SLC6A19: variants seen among roughly 807,000 people sequenced by gnomAD.
SLC6A19 encodes sodium-dependent neutral amino acid transporter B(0)AT1.
Under a neutral mutation model 68.3 loss-of-function variants are expected in SLC6A19, and 67 were observed. The ratio of observed to expected loss-of-function variants is 0.98; its 90% confidence interval spans 0.81 to 1.20. The LOEUF (loss-of-function observed/expected upper bound fraction) is 1.20, where lower values mean the gene tolerates loss of function less well. SLC6A19 is among the 50% of genes most tolerant of loss of function. The pLI is 0.00. For synonymous variants in SLC6A19, 392 were observed against 374.9 expected (o/e 1.05, Z -0.53); for missense variants, 813 against 851.6 (o/e 0.95, Z 0.56).
Position 1,204,129 on chromosome 5 carries a change from C to T in SLC6A19, c.202+2277C>T, listed in dbSNP as rs902194729. 1.5e-4 allele frequency among the ~76,000 whole-genome samples: 23 copies of T among 152,220 alleles called. 1 individual carries two copies. Among genetic ancestry groups the T allele is most frequent in the Admixed American group, 5.2e-4 (8 of 15,282 alleles). The stretch of plus-strand genomic sequence containing the variant: ...TTGATGCGGGTCATCGAGACCAAAT[C>T]GAGGGGAAGCAGGCAGCCAGGTCCT... On this transcript the variant is annotated intron_variant, in intron 1 of 11. Coordinates refer to ENST00000304460, the MANE Select transcript of SLC6A19 (RefSeq NM_001003841.3).
At position 1,201,650 on chromosome 5, in the gene SLC6A19, C is replaced by T; in HGVS notation, c.-1C>T. Reference sequence around the variant, plus strand: ...GTGTGCGGAGCCGTCCAGCGACCACCATGGTGAGGCTCGTGCTGCCCAACC... The same window carrying T: ...GTGTGCGGAGCCGTCCAGCGACCACTATGGTGAGGCTCGTGCTGCCCAACC... On this transcript the variant is annotated 5_prime_UTR_variant, in exon 1 of 12. Transcript: ENST00000304460. The T allele has an allele frequency of 1.9e-6, 3 of 1,605,982 alleles. No homozygotes were observed. The highest frequency in any genetic ancestry group is 2.2e-5 in the South Asian group (2 of 90,686).
intron 3 of SLC6A19, among the ~76,000 whole-genome samples, chr5:1,211,264 C>G (rs1309868429): frequency 6.6e-6 from 1 of 152,230 alleles, no homozygotes; most frequent in East Asian, 1.9e-4. Flanking sequence ...CTCGCTGGGA[C>G]TGTCGGGGCC....
rs753136750 is a variant in SLC6A19, at chr5:1,212,215, T to C, written c.482-88T>C. 80 of 1,547,732 alleles carry C rather than the reference T, an allele frequency of 5.2e-5. No homozygotes were observed. The highest frequency in any genetic ancestry group is 6.4e-5 in the Non-Finnish European group (73 of 1,132,694). ...CACTGGTGTCAAGGCCTCTGGAACG[T>C]GGCTGGCATTTCTTCCAGCTCAGGG... On this transcript the variant is annotated intron_variant, in intron 3 of 11. Transcript: ENST00000304460. This position sits in a 1 kb window ranked among gnomAD's most constrained non-coding sequence, Gnocchi z 5.1.
intron 8 of SLC6A19, among the ~76,000 whole-genome samples, chr5:1,217,328 A>C (rs1746238122): frequency 6.6e-6 from 1 of 152,238 alleles, no homozygotes; most frequent in African/African-American, 2.4e-5. Context: ...CTGTGAGGCC[A>C]CCAGGACAGG....
rs551417226 is a variant in SLC6A19 at position 1,215,153 on chromosome 5, G to A, written c.887+1088G>A. Among the ~76,000 whole-genome samples, 1 of 151,942 alleles carries A rather than the reference G, an allele frequency of 6.6e-6. No homozygotes were observed. Among genetic ancestry groups the A allele is most frequent in the South Asian group, 2.1e-4 (1 of 4,804 alleles). ...CTAGGAGGACCCCTGGGCACTGCAG[G>A]CAGCTGGGGCAGGGCCAAGGCAGGA... On this transcript the variant is annotated intron_variant, in intron 6 of 11. Coordinates refer to ENST00000304460, the MANE Select transcript of SLC6A19 (RefSeq NM_001003841.3). This position sits in a 1 kb window ranked among gnomAD's most constrained non-coding sequence, Gnocchi z 5.1.
Position 1,224,290 on chromosome 5 carries a change from A to G in SLC6A19, c.*2386A>G, listed in dbSNP as rs62331285. ...CATCTCCTGATTCATGCGTTGTTTCATAGGTTTCAATGTCTCTGTAAATGT... is the reference window on the plus strand; with the variant it reads ...CATCTCCTGATTCATGCGTTGTTTCGTAGGTTTCAATGTCTCTGTAAATGT... On this transcript the variant is annotated 3_prime_UTR_variant, in exon 12 of 12. Transcript: ENST00000304460. 49,369 of 152,252 alleles carry G rather than the reference A, an allele frequency of 0.32. 8,280 individuals carry two copies. The highest frequency in any genetic ancestry group is 0.35 in the Non-Finnish European group (24,105 of 68,014). 9.4% of individuals were successfully genotyped at this position (152,252 alleles called of 1,614,324 possible). A position where few individuals can be genotyped will look rare whatever the true frequency, so the allele number is the denominator to read the frequency against.
At chr5:1,220,879 C>G (rs760035473) in intron 10 of SLC6A19, among the ~76,000 whole-genome samples, 10 of 152,214 alleles carry the variant, frequency 6.6e-5, no homozygotes, top group Non-Finnish European at 1.2e-4. Context: ...GTGACCACCT[C>G]AGACGTGGGT....
In SLC6A19 at chr5:1,222,069, A is replaced by G; in HGVS notation, c.*165A>G. The G allele has an allele frequency of 7.8e-6, 6 of 771,346 alleles. No individual in the cohort carries two copies. Among genetic ancestry groups the G allele is most frequent in the Middle Eastern group, 7.4e-4 (2 of 2,710 alleles). The allele number at this position is 771,346 out of a possible 1,614,324, so 47.8% of individuals were successfully genotyped here. A position where few individuals can be genotyped will look rare whatever the true frequency, so the allele number is the denominator to read the frequency against. On this transcript the variant is annotated 3_prime_UTR_variant, in exon 12 of 12. Coordinates refer to ENST00000304460, the MANE Select transcript of SLC6A19 (RefSeq NM_001003841.3). ...GCATGTGCCATGTGTGCAGATATGT[A>G]TCGTGTGTGCATGTACATGCATGGG...
chr5:1,215,036 G>T lies in SLC6A19; in HGVS notation c.887+971G>T, dbSNP rs1209329729. On this transcript the variant is annotated intron_variant, in intron 6 of 11. Coordinates refer to ENST00000304460, the MANE Select transcript of SLC6A19 (RefSeq NM_001003841.3). The surrounding 1 kb of genome is among the most constrained non-coding windows in gnomAD (Gnocchi z 5.1). ...GGGCAGAGAGGGTGTTGGAGGGACAGAAAGGACCCTGGAGTCATTGTGCGA... is the reference window on the plus strand; with the variant it reads ...GGGCAGAGAGGGTGTTGGAGGGACATAAAGGACCCTGGAGTCATTGTGCGA... Among the ~76,000 whole-genome samples the T allele has an allele frequency of 6.6e-6, 1 of 151,988 alleles. No homozygotes were observed. The highest frequency in any genetic ancestry group is 1.5e-5 in the Non-Finnish European group (1 of 67,960).
At chr5:1,221,386 C>T in intron 11 of SLC6A19, 73 bp downstream of exon 11, 3 of 1,563,942 alleles carry the variant, frequency 1.9e-6, no homozygotes, top group Non-Finnish European at 2.6e-6. Context: ...CATCCACACA[C>T]ATGGCGCATG....
chr5:1,205,959 C>T (rs72709416), intron 1 of SLC6A19, among the ~76,000 whole-genome samples: 17 of 152,280 alleles, frequency 1.1e-4, no homozygotes, highest in Non-Finnish European at 2.4e-4. Flanking sequence ...CCCGCCAGCC[C>T]ACCCTACACA....
At position 1,209,337 on chromosome 5, in the gene SLC6A19, C is replaced by T. The variant is rs940504301; in HGVS notation, c.343+451C>T. 1.9e-4 allele frequency among the ~76,000 whole-genome samples: 29 copies of T among 152,182 alleles called. No individual in the cohort carries two copies. The highest frequency in any genetic ancestry group is 6.5e-4 in the African/African-American group (27 of 41,440). Reference sequence around the variant, plus strand: ...CCCAGGAGCAGACCCAGTGCAGCCTCACCAAGAGGACACGGCTCATTAAGC... The same window carrying T: ...CCCAGGAGCAGACCCAGTGCAGCCTTACCAAGAGGACACGGCTCATTAAGC... On this transcript the variant is annotated intron_variant, in intron 2 of 11. Transcript: ENST00000304460. This position sits in a 1 kb window ranked among gnomAD's most constrained non-coding sequence, Gnocchi z 5.5.
chr5:1,214,126 G>A lies in SLC6A19; in HGVS notation c.887+61G>A, dbSNP rs1391389006. 6.2e-7 allele frequency: 1 copy of A among 1,611,122 alleles called. No homozygotes were observed. Among genetic ancestry groups the A allele is most frequent in the Admixed American group, 1.7e-5 (1 of 59,716 alleles). On this transcript the variant is annotated intron_variant, in intron 6 of 11. Coordinates refer to ENST00000304460, the MANE Select transcript of SLC6A19 (RefSeq NM_001003841.3). The surrounding 1 kb of genome is among the most constrained non-coding windows in gnomAD (Gnocchi z 7.4). Reference sequence around the variant, plus strand: ...CAGTCCTGGGGGGATCTTGCTGGGAGGATAAAAGACAAGGTGGAAAGCACT... The same window carrying A: ...CAGTCCTGGGGGGATCTTGCTGGGAAGATAAAAGACAAGGTGGAAAGCACT...
chr5:1,210,450 C>G lies in SLC6A19; in HGVS notation c.350C>G (p.Ala117Gly), dbSNP rs745814342. The G allele has an allele frequency of 1.2e-6, 2 of 1,613,104 alleles. No homozygotes were observed. The highest frequency in any genetic ancestry group is 4.5e-5 in the East Asian group (2 of 44,880). The change falls in exon 3 of 12, where the codon GCC becomes GGC. Residue 117 changes from alanine to glycine, a missense_variant. Coordinates refer to ENST00000304460, the MANE Select transcript of SLC6A19 (RefSeq NM_001003841.3). ...IHPALKGLGL[A>G]SMLTSFMVGL... Reference sequence around the variant, plus strand: ...AGCAGCAGCCTCCCTGCAGGCCTGGCCTCCATGCTCACGTCCTTCATGGTG... The same window carrying G: ...AGCAGCAGCCTCCCTGCAGGCCTGGGCTCCATGCTCACGTCCTTCATGGTG...
chr5:1,221,944 G>A lies in SLC6A19; in HGVS notation c.*40G>A, dbSNP rs1383308465. The stretch of plus-strand genomic sequence containing the variant: ...CGGCGTGCCATACACTGGTGTCAGG[G>A]AAGGAGGAACCAGCAAGACCTGTGG... On this transcript the variant is annotated 3_prime_UTR_variant, in exon 12 of 12. Coordinates refer to ENST00000304460, the MANE Select transcript of SLC6A19 (RefSeq NM_001003841.3). 1 of 1,605,176 alleles carries A rather than the reference G, an allele frequency of 6.2e-7. No individual in the cohort carries two copies. Among genetic ancestry groups the A allele is most frequent in the South Asian group, 1.1e-5 (1 of 90,434 alleles).
chr5:1,204,032 C>T (rs1178035330), intron 1 of SLC6A19, among the ~76,000 whole-genome samples: 4 of 152,168 alleles, frequency 2.6e-5, no homozygotes, highest in South Asian at 2.1e-4. Context: ...CCACAGACAG[C>T]GCACTCTCTC....
chr5:1,218,957 A>G lies in SLC6A19; in HGVS notation c.1228A>G (p.Met410Val). 2.5e-6 allele frequency: 4 copies of G among 1,614,014 alleles called. No individual in the cohort carries two copies. In the South Asian group the frequency reaches 4.4e-5, roughly 18 times the overall value. ...FIVFTEAITKMPLSPLWSVLF... is the reference protein window; with the variant it reads ...FIVFTEAITKVPLSPLWSVLF... ...CGTCTTCACCGAGGCCATCACCAAGATGCCGTTGTCCCCACTGTGGTCTGT... is the reference window on the plus strand; with the variant it reads ...CGTCTTCACCGAGGCCATCACCAAGGTGCCGTTGTCCCCACTGTGGTCTGT... The change falls in exon 9 of 12, where the codon ATG (methionine) becomes GTG (valine). Residue 410 changes from methionine to valine, a missense_variant. Physicochemically the swap from Met to Val is conservative, Grantham distance 21. Coordinates refer to ENST00000304460, the MANE Select transcript of SLC6A19 (RefSeq NM_001003841.3).
At chr5:1,217,082 G>C (rs927926536) in intron 8 of SLC6A19, 137 bp downstream of exon 8, 6 of 1,378,418 alleles carry the variant, frequency 4.4e-6, no homozygotes, top group Non-Finnish European at 6.0e-6. Flanking sequence ...CCCACTGTCT[G>C]CTCTGCCTGG....
At chr5:1,219,691 C>T (rs1051507275) in intron 10 of SLC6A19, 27 bp downstream of exon 10, 3 of 1,600,938 alleles carry the variant, frequency 1.9e-6, no homozygotes, top group African/African-American at 2.7e-5. Flanking sequence ...GGACAGGTGC[C>T]TCTAATGCAG....
Sources: gnomAD v4.1 joint callset for allele counts (sites outside exome capture counted in the v4.1 genomes callset) on GRCh38, gnomAD v4.1.1 for gene constraint, Gnocchi (gnomAD v3.1) non-coding constraint, MANE v1.5 for transcripts, NCBI Gene and HGNC (gene_info 2026-07-23, HGNC 2026-07-21) for gene names.